Variants in DENND2A observed in about 807,000 individuals in gnomAD.
The protein encoded by DENND2A is DENN domain containing 2A, also known as DENN domain-containing protein 2A.
A neutral mutation model predicts 105.3 loss-of-function variants in DENND2A; 53 were observed. That is an observed-to-expected ratio of 0.50 (90% CI 0.40 to 0.63). DENND2A has a LOEUF of 0.63. DENND2A is among the 30% of genes least tolerant of loss of function. The pLI, the probability that DENND2A is intolerant of heterozygous loss-of-function variation, is 0.00. For missense variants in DENND2A, 1,138 were observed against 1,279.6 expected (o/e 0.89, Z 1.69); for synonymous variants, 522 against 508.4 (o/e 1.03, Z -0.36).
chr7:140,626,035 G>A (rs1800511835), intron 1 of DENND2A, among the ~76,000 whole-genome samples: 1 of 152,136 alleles, frequency 6.6e-6, no homozygotes, highest in Non-Finnish European at 1.5e-5. Flanking sequence ...CTCAGATGTG[G>A]ACATTAAGGC....
rs183253682 is a variant in DENND2A, at chr7:140,621,205, T to A, written c.-247-15399A>T. Among the ~76,000 whole-genome samples, 144 of 151,190 alleles carry A rather than the reference T, an allele frequency of 9.5e-4. 2 individuals carry two copies. The highest frequency in any genetic ancestry group is 3.3e-3 in the African/African-American group (135 of 41,382). ...CACTAGGCTCAGCTAATTAAAAAAT[T>A]TTTTTTTTTTGTAGAGACAGAGTCT... On this transcript the variant is annotated intron_variant, in intron 1 of 19. Transcript: ENST00000496613.
chr7:140,625,545 G>A (rs983685026), intron 1 of DENND2A, among the ~76,000 whole-genome samples: 2 of 152,062 alleles, frequency 1.3e-5, no homozygotes, highest in Non-Finnish European at 2.9e-5. Flanking sequence ...AGCTGGACCT[G>A]GTGGCGTGTG....
At chr7:140,626,640 T>C (rs1218654434) in intron 1 of DENND2A, among the ~76,000 whole-genome samples, 3 of 152,212 alleles carry the variant, frequency 2.0e-5, no homozygotes, top group African/African-American at 7.2e-5. Flanking sequence ...CTTGCCTTCC[T>C]GTCCTCCTCT....
intron 18 of DENND2A, 125 bp downstream of exon 18, chr7:140,521,730 C>T: frequency 1.3e-5 from 19 of 1,488,250 alleles, no homozygotes; most frequent in Non-Finnish European, 1.7e-5. Context: ...ACTGCAAGCT[C>T]TCTGGGGGAG....
chr7:140,635,339 G>A (rs1800884426), intron 1 of DENND2A, among the ~76,000 whole-genome samples: 1 of 152,150 alleles, frequency 6.6e-6, no homozygotes. Context: ...TACATATAAA[G>A]TTTATAAGTA....
rs780053859 is a variant in DENND2A at position 140,518,576 on chromosome 7, G to A, written c.*131C>T. On this transcript the variant is annotated 3_prime_UTR_variant, in exon 20 of 20. Coordinates refer to ENST00000496613, the MANE Select transcript of DENND2A (RefSeq NM_015689.5). The stretch of plus-strand genomic sequence containing the variant: ...CTCATCCAGGGAAGAGCCCAGCCTC[G>A]GCCAGAAGCCACCGCGGCCTCCAGT... 84 of 920,910 alleles carry A rather than the reference G, an allele frequency of 9.1e-5. No individual in the cohort carries two copies. The highest frequency in any genetic ancestry group is 1.7e-4 in the African/African-American group (10 of 59,232). The allele number at this position is 920,910 out of a possible 1,614,324, so 57.0% of individuals were successfully genotyped here.
At chr7:140,551,268 C>T (rs1242025335) in intron 12 of DENND2A, among the ~76,000 whole-genome samples, 1 of 145,852 alleles carries the variant, frequency 6.9e-6, no homozygotes, top group East Asian at 2.0e-4. Context: ...CCACTGCCCT[C>T]CAGCCTGGGC....
intron 14 of DENND2A, among the ~76,000 whole-genome samples, chr7:140,542,952 T>C (rs965813584): frequency 1.3e-5 from 2 of 152,100 alleles, no homozygotes; most frequent in Non-Finnish European, 2.9e-5. Flanking sequence ...ATGTGCTGAC[T>C]ACTTGTTCTG....
intron 14 of DENND2A, among the ~76,000 whole-genome samples, chr7:140,541,435 T>C (rs10952732): frequency 0.55 from 83,863 of 151,886 alleles, 25,067 homozygotes; most frequent in African/African-American, 0.79. Flanking sequence ...TCCTGGGGGG[T>C]GCTGGGTTTC....
At chr7:140,539,501 T>C (rs1175441017) in intron 14 of DENND2A, among the ~76,000 whole-genome samples, 2 of 152,214 alleles carry the variant, frequency 1.3e-5, no homozygotes, top group African/African-American at 4.8e-5. Context: ...TATACATTTC[T>C]GTAAACGGAC....
chr7:140,546,425 A>G (rs1475074422), intron 13 of DENND2A, among the ~76,000 whole-genome samples: 1 of 152,190 alleles, frequency 6.6e-6, no homozygotes, highest in Non-Finnish European at 1.5e-5. Context: ...CTCAAAAACA[A>G]AAACAAAAAA....
chr7:140,601,747 G>T lies in DENND2A; in HGVS notation c.651C>A (p.Val217=), dbSNP rs764313653. The change falls in exon 3 of 20, where the codon GTC becomes GTA. Residue 217 remains valine, a synonymous_variant. Coordinates refer to ENST00000496613, the MANE Select transcript of DENND2A (RefSeq NM_015689.5). ...GGSGSEVSQR[V]HPSDLEGREP... is the part of the protein sequence containing the mutation. ...CCCTGCCTTCCAGGTCCGAGGGGTG[G>T]ACCCTCTGGCTGACTTCTGAGCCAC... 43 of 1,613,828 alleles carry T rather than the reference G, an allele frequency of 2.7e-5. No homozygotes were observed. Among genetic ancestry groups the T allele is most frequent in the Non-Finnish European group, 3.5e-5 (41 of 1,179,990 alleles).
chr7:140,614,987 G>A (rs944395149), intron 1 of DENND2A, among the ~76,000 whole-genome samples: 6 of 152,064 alleles, frequency 3.9e-5, no homozygotes, highest in South Asian at 2.1e-4. Flanking sequence ...GCTCCCTACC[G>A]CCCCAGGTAG....
intron 14 of DENND2A, among the ~76,000 whole-genome samples, chr7:140,532,993 T>A (rs897188973): frequency 4.4e-5 from 5 of 113,562 alleles, no homozygotes; most frequent in Non-Finnish European, 9.7e-5. Context: ...GCTACCTGCT[T>A]TTTTTTTTTT....
chr7:140,584,670 C>T (rs2130642904), intron 5 of DENND2A, among the ~76,000 whole-genome samples: 1 of 152,292 alleles, frequency 6.6e-6, no homozygotes, highest in Non-Finnish European at 1.5e-5. Flanking sequence ...TCCCCCTGCC[C>T]TCTGGGCATT....
rs373226360 is a variant in DENND2A, at chr7:140,523,228, G to A, written c.2665+79C>T. On this transcript the variant is annotated intron_variant, in intron 17 of 19. Transcript: ENST00000496613. The surrounding 1 kb of genome is among the most constrained non-coding windows in gnomAD (Gnocchi z 4.5). Reference sequence around the variant, plus strand: ...TCTCCCTTGCCCATATTCCTACTTGGCCCTTGGCCACTGCCCATTTGTTCC... The same window carrying A: ...TCTCCCTTGCCCATATTCCTACTTGACCCTTGGCCACTGCCCATTTGTTCC... The A allele has an allele frequency of 1.6e-4, 216 of 1,334,464 alleles. 1 individual carries two copies. The African/African-American group carries it at 2.9e-3, about 18-fold the overall frequency. 82.7% of individuals were successfully genotyped at this position (1,334,464 alleles called of 1,614,324 possible).
rs1320747572 is a variant in DENND2A, at chr7:140,640,621, GGCCCTCC to G, written c.-372_-366del. 2 of 148,466 alleles carry G rather than the reference GGCCCTCC, an allele frequency of 1.3e-5. No individual in the cohort carries two copies. Among genetic ancestry groups the G allele is most frequent in the Non-Finnish European group, 3.0e-5 (2 of 66,468 alleles). 9.2% of individuals were successfully genotyped at this position (148,466 alleles called of 1,614,324 possible). The stretch of plus-strand genomic sequence containing the variant: ...CGGCGGCGGGTGCCGGGGACGCCAT[GGCCCTCC>G]GCCCTCCGCCCCTTTGTCCGCCGAG... On this transcript the variant is annotated 5_prime_UTR_variant, in exon 1 of 20. Coordinates refer to ENST00000496613, the MANE Select transcript of DENND2A (RefSeq NM_015689.5). The surrounding 1 kb of genome is among the most constrained non-coding windows in gnomAD (Gnocchi z 4.9).
chr7:140,574,245 A>C (rs1040596119), intron 5 of DENND2A, among the ~76,000 whole-genome samples: 1 of 151,964 alleles, frequency 6.6e-6, no homozygotes, highest in African/African-American at 2.4e-5. Context: ...TTGAGATGGA[A>C]TCTTACTCTG....
At chr7:140,638,355 G>A (rs1377216633) in intron 1 of DENND2A, among the ~76,000 whole-genome samples, 1 of 152,202 alleles carries the variant, frequency 6.6e-6, no homozygotes, top group East Asian at 1.9e-4. Context: ...CTGAGCATTT[G>A]TGTACATACT....
Sources: allele counts gnomAD v4.1 joint callset (sites outside exome capture counted in the v4.1 genomes callset), GRCh38; gene constraint gnomAD v4.1.1; non-coding constraint Gnocchi (gnomAD v3.1); transcripts MANE v1.5; gene names NCBI Gene and HGNC (gene_info 2026-07-23, HGNC 2026-07-21).